AHNAK2: variants seen among roughly 807,000 people sequenced by gnomAD.
AHNAK2 encodes the protein AHNAK nucleoprotein 2.
Under a neutral mutation model 30.7 loss-of-function variants are expected in AHNAK2, and 18 were observed. That is an observed-to-expected ratio of 0.59 (90% CI 0.41 to 0.87). AHNAK2 has a LOEUF of 0.87. Ranked by LOEUF, AHNAK2 falls within the 40% of genes least tolerant of loss-of-function variation. AHNAK2 has a pLI of 0.00. For missense variants in AHNAK2, 8,604 were observed against 7,373.0 expected (o/e 1.17, Z -6.11); for synonymous variants, 3,590 against 3,073.8 (o/e 1.17, Z -5.56).
intron 1 of AHNAK2, among the ~76,000 whole-genome samples, chr14:104,972,812 C>T (rs1317132033): frequency 6.6e-6 from 1 of 152,260 alleles, no homozygotes; most frequent in Admixed American, 6.5e-5. Context: ...GCTCCCCCGC[C>T]AGGCACTCAG....
chr14:104,977,760 C>T (rs532061349), intron 1 of AHNAK2, among the ~76,000 whole-genome samples: 1 of 152,294 alleles, frequency 6.6e-6, no homozygotes, highest in African/African-American at 2.4e-5. Flanking sequence ...CTTTCACGCC[C>T]CTTGCAGACA....
At chr14:104,956,253 C>T (rs1898972366) in intron 4 of AHNAK2, among the ~76,000 whole-genome samples, 1 of 152,162 alleles carries the variant, frequency 6.6e-6, no homozygotes, top group Non-Finnish European at 1.5e-5. Context: ...TTTTCAGCCC[C>T]ACAGCTTGAA....
Position 104,944,628 on chromosome 14 carries a change from A to T in AHNAK2, c.10823T>A (p.Val3608Asp), listed in dbSNP as rs1338549859. The T allele has an allele frequency of 1.2e-6, 2 of 1,612,784 alleles. No individual in the cohort carries two copies. Among genetic ancestry groups the T allele is most frequent in the African/African-American group, 2.7e-5 (2 of 74,580 alleles). The change falls in exon 7 of 7, where the codon GTC becomes GAC. Residue 3608 changes from valine (V) to aspartate (D), a missense_variant. Physicochemically the swap from Val to Asp is radical, Grantham distance 152. Transcript: ENST00000333244. Reference sequence around the variant, plus strand: ...ATCCAGCTTGGCCTTCGGGGCCTGGACATCCACCTCCACGCTGGGCAGAGA... The same window carrying T: ...ATCCAGCTTGGCCTTCGGGGCCTGGTCATCCACCTCCACGCTGGGCAGAGA... Reference protein sequence around the residue: ...EVSLPSVEVDVQAPKAKLDAG... With the variant: ...EVSLPSVEVDDQAPKAKLDAG...
In AHNAK2 at chr14:104,947,141, G is replaced by C. The variant is rs747103855; in HGVS notation, c.8310C>G (p.Pro2770=). ...LKGPKAEVTA[P]DVKMSLSSME... ...TGCTGGACAGAGACATCTTCACATC[G>C]GGGGCTGTCACTTCCGCCTTGGGGC... The change falls in exon 7 of 7, where the codon CCC becomes CCG. Residue 2770 remains proline (P), a synonymous_variant. Transcript: ENST00000333244. 16 of 1,611,732 alleles carry C rather than the reference G, an allele frequency of 9.9e-6. 1 individual carries two copies. Among genetic ancestry groups the C allele is most frequent in the East Asian group, 2.2e-5 (1 of 44,628 alleles).
rs202152518 is a variant in AHNAK2, at chr14:104,948,127, C to A, written c.7324G>T (p.Val2442Leu). The change falls in exon 7 of 7, where the codon GTG becomes TTG. Residue 2442 changes from valine to leucine, a missense_variant. By Grantham distance (32) the Val-to-Leu change is conservative. Coordinates refer to ENST00000333244, the MANE Select transcript of AHNAK2 (RefSeq NM_138420.4). ...TCCACGCTGGGCTGAGACACCTCCA[C>A]GTCGGGGGCCATCACGTCCGTCTTG... ...GPKTDVMAPD[V>L]EVSQPSVEVD... is the part of the protein sequence containing the mutation. 1 of 1,612,612 alleles carries A rather than the reference C, an allele frequency of 6.2e-7. No homozygotes were observed.
At position 104,948,173 on chromosome 14, in the gene AHNAK2, G is replaced by T; in HGVS notation, c.7278C>A (p.Pro2426=). ...LKGPQIDVKG[P]KLDLKGPKTD... Reference sequence around the variant, plus strand: ...TCTTGGGGCCTTTCAGGTCCAGCTTGGGGCCCTTGACATCTATCTGGGGGC... The same window carrying T: ...TCTTGGGGCCTTTCAGGTCCAGCTTTGGGCCCTTGACATCTATCTGGGGGC... Residue 2426 remains proline, a synonymous_variant, in exon 7 of 7, where the codon CCC becomes CCA. Transcript: ENST00000333244. The T allele has an allele frequency of 6.2e-7, 1 of 1,611,496 alleles. No homozygotes were observed. Among genetic ancestry groups the T allele is most frequent in the South Asian group, 1.1e-5 (1 of 91,042 alleles).
chr14:104,977,286 T>C (rs1335835235), intron 1 of AHNAK2, among the ~76,000 whole-genome samples: 2 of 152,150 alleles, frequency 1.3e-5, no homozygotes, highest in African/African-American at 4.8e-5. Flanking sequence ...TGCAGCAGCA[T>C]AGACCCAGCG....
rs112406618 is a variant in AHNAK2, at chr14:104,948,601, C to A, written c.6850G>T (p.Val2284Leu). 1 of 1,611,366 alleles carries A rather than the reference C, an allele frequency of 6.2e-7. No individual in the cohort carries two copies. ...APDVEVSLPS[V>L]EVDVKAPGAK... Reference sequence around the variant, plus strand: ...CCTGGGGCCTTGACGTCCACCTCCACGCTGGGCAGAGACACCTCCACATCA... The same window carrying A: ...CCTGGGGCCTTGACGTCCACCTCCAAGCTGGGCAGAGACACCTCCACATCA... The change falls in exon 7 of 7, where the codon GTG becomes TTG. Residue 2284 changes from valine to leucine, a missense_variant. Transcript: ENST00000333244.
rs745729779 is a variant in AHNAK2, at chr14:104,943,585, G to A, written c.11866C>T (p.Leu3956=). The A allele has an allele frequency of 1.9e-6, 3 of 1,613,154 alleles. No individual in the cohort carries two copies. Among genetic ancestry groups the A allele is most frequent in the Non-Finnish European group, 2.5e-6 (3 of 1,179,610 alleles). Residue 3956 remains leucine, a synonymous_variant, in exon 7 of 7, where the codon CTG becomes TTG. Coordinates refer to ENST00000333244, the MANE Select transcript of AHNAK2 (RefSeq NM_138420.4). ...TTGGCCGTCATGTCCTTGTCGGCCAGGGACAGGTCCCCCTCCAGCCGCGCA... is the reference window on the plus strand; with the variant it reads ...TTGGCCGTCATGTCCTTGTCGGCCAAGGACAGGTCCCCCTCCAGCCGCGCA... ...DGARLEGDLS[L]ADKDMTAKDS... is the part of the protein sequence containing the mutation.
chr14:104,970,363 C>G, intron 1 of AHNAK2: 1 of 948,408 alleles, frequency 1.1e-6, no homozygotes, highest in Non-Finnish European at 1.3e-6. Flanking sequence ...CTCTGTTCCT[C>G]CAGCCCCCCT....
chr14:104,974,963 C>G (rs561758402), intron 1 of AHNAK2, among the ~76,000 whole-genome samples: 183 of 152,330 alleles, frequency 1.2e-3, no homozygotes, highest in African/African-American at 3.5e-3. Flanking sequence ...AACACAGAGG[C>G]CTTCCGCATA....
At chr14:104,973,218 T>A (rs1899518687) in intron 1 of AHNAK2, among the ~76,000 whole-genome samples, 1 of 152,218 alleles carries the variant, frequency 6.6e-6, no homozygotes, top group South Asian at 2.1e-4. Context: ...TGTCCCGTGA[T>A]GCGCACTGAA....
rs1898934755 is a variant in AHNAK2 at position 104,955,145 on chromosome 14, G to A, written c.467-4C>T. 6.2e-7 allele frequency: 1 copy of A among 1,600,034 alleles called. No individual in the cohort carries two copies. The highest frequency in any genetic ancestry group is 1.7e-5 in the Admixed American group (1 of 59,472). Reference sequence around the variant, plus strand: ...GTTGTACTGAGCAGCTGATCCCCTAGACCAAGAAAGAGCAGCCCCAGGGCC... The same window carrying A: ...GTTGTACTGAGCAGCTGATCCCCTAAACCAAGAAAGAGCAGCCCCAGGGCC... On this transcript the variant is annotated splice_polypyrimidine_tract_variant and splice_region_variant and intron_variant, in intron 5 of 6. Transcript: ENST00000333244.
Position 104,946,173 on chromosome 14 carries a change from G to A in AHNAK2, c.9278C>T (p.Pro3093Leu), listed in dbSNP as rs201803217. 1,645 of 1,611,086 alleles carry A rather than the reference G, an allele frequency of 1.0e-3. 1 individual carries two copies. The highest frequency in any genetic ancestry group is 1.3e-3 in the Non-Finnish European group (1,545 of 1,178,984). Residue 3093 changes from proline to leucine, a missense_variant, in exon 7 of 7, where the codon CCG (proline) becomes CTG (leucine). Transcript: ENST00000333244. ...GTCGGGGGCCGTCACGTCCGTCTTC[G>A]GGCCTTTCAGGTCCAGCTTGGGGCC... ...VKGPKLDLKGPKTDVTAPDVE... is the reference protein window; with the variant it reads ...VKGPKLDLKGLKTDVTAPDVE...
rs1566914290 is a variant in AHNAK2 at position 104,950,653 on chromosome 14, C to A, written c.4798G>T (p.Gly1600Cys). 2 of 1,586,954 alleles carry A rather than the reference C, an allele frequency of 1.3e-6. No individual in the cohort carries two copies. The highest frequency in any genetic ancestry group is 1.7e-5 in the Admixed American group (1 of 57,478). The part of the protein sequence containing the change: ...DLKGPQIDVK[G>C]PKLDLKGPKV... ...GGGCCTTTCAGGTCCAGCTTGGGGCCCTTAACATCTATCTGGGGCCCCTTG... is the reference window on the plus strand; with the variant it reads ...GGGCCTTTCAGGTCCAGCTTGGGGCACTTAACATCTATCTGGGGCCCCTTG... The change falls in exon 7 of 7, where the codon GGC becomes TGC. Residue 1600 changes from glycine to cysteine, a missense_variant. Transcript: ENST00000333244.
At chr14:104,957,713 G>A (rs1165289035) in intron 1 of AHNAK2, 41 bp from the exon 2 acceptor site, 5 of 1,591,318 alleles carry the variant, frequency 3.1e-6, no homozygotes, top group Non-Finnish European at 3.4e-6. Context: ...AGCAGGCTGG[G>A]GGAGCAGATC....
chr14:104,955,189 G>T, intron 5 of AHNAK2, 48 bp from the exon 6 acceptor site: 2 of 1,557,772 alleles, frequency 1.3e-6, no homozygotes, highest in Non-Finnish European at 1.7e-6. Context: ...GAATGAGACG[G>T]GGTCTGCTGT....
Position 104,948,554 on chromosome 14 carries a change from C to T in AHNAK2, c.6897G>A (p.Arg2299=), listed in dbSNP as rs376864378. The change falls in exon 7 of 7, where the codon CGG becomes CGA. Residue 2299 remains arginine (R), a synonymous_variant. Coordinates refer to ENST00000333244, the MANE Select transcript of AHNAK2 (RefSeq NM_138420.4). ...CGGCCAGGGACATGTCCCCCTCCAG[C>T]CGCGCACCATCCAGCTTGGCTCCTG... is the stretch of plus-strand genomic sequence containing the variant. The part of the protein sequence containing the change: ...KAPGAKLDGA[R]LEGDMSLADK... The T allele has an allele frequency of 2.5e-6, 4 of 1,612,226 alleles. 1 individual carries two copies. In the African/African-American group the frequency reaches 5.4e-5, roughly 22 times the overall value.
In AHNAK2 at chr14:104,937,530, GC is replaced by G. The variant is rs138031000; in HGVS notation, c.*532del. 11,205 of 152,672 alleles carry G rather than the reference GC, an allele frequency of 0.073. 1,345 individuals carry two copies. Among genetic ancestry groups the G allele is most frequent in the African/African-American group, 0.26 (10,624 of 41,506 alleles). 9.5% of individuals were successfully genotyped at this position (152,672 alleles called of 1,614,324 possible). ...TGTCACCCAAAACATCTTGAAACTT[GC>G]CATTAGTGAGGCATTCAACAAAGAA... On this transcript the variant is annotated 3_prime_UTR_variant, in exon 7 of 7. Transcript: ENST00000333244.
Sources: allele counts gnomAD v4.1 joint callset (sites outside exome capture counted in the v4.1 genomes callset), GRCh38; gene constraint gnomAD v4.1.1; transcripts MANE v1.5; gene names NCBI Gene and HGNC (gene_info 2026-07-23, HGNC 2026-07-21).